Variants in PTPRD observed in about 807,000 individuals in gnomAD.
PTPRD encodes the protein protein tyrosine phosphatase receptor type D, also known as receptor-type tyrosine-protein phosphatase delta.
PTPRD carries 34 observed loss-of-function variants against 214.5 expected under a neutral mutation model. The observed-to-expected ratio is 0.16, with a 90% CI of 0.12 to 0.21. PTPRD has a LOEUF of 0.21. Among genes scored for constraint, PTPRD ranks in the 10% least tolerant of loss-of-function variants. PTPRD has a pLI of 1.00. For synonymous variants in PTPRD, 1,128 were observed against 845.7 expected (o/e 1.33, Z -5.79); for missense variants, 2,545 against 2,398.7 (o/e 1.06, Z -1.27).
At position 8,315,809 on chromosome 9, in the gene PTPRD, C is replaced by T. The variant is rs1821360412; in HGVS notation, c.*2065G>A. ...TAAAATTAAACCAAAGTAGTATACT[C>T]ATACCAAAACTCTTTAAGAGTTCCT... On this transcript the variant is annotated 3_prime_UTR_variant, in exon 46 of 46. Transcript: ENST00000381196. 4.4e-6 allele frequency: 1 copy of T among 226,868 alleles called. No individual in the cohort carries two copies. Among genetic ancestry groups the T allele is most frequent in the African/African-American group, 2.2e-5 (1 of 44,938 alleles). 14.1% of individuals were successfully genotyped at this position (226,868 alleles called of 1,614,324 possible). A position where few individuals can be genotyped will look rare whatever the true frequency, so the allele number is the denominator to read the frequency against.
chr9:9,458,499 A>G (rs918826769), intron 8 of PTPRD, among the ~76,000 whole-genome samples: 9 of 152,092 alleles, frequency 5.9e-5, no homozygotes, highest in Non-Finnish European at 1.3e-4. Flanking sequence ...TTCAAAATGT[A>G]TGAAGTGTAT....
intron 9 of PTPRD, among the ~76,000 whole-genome samples, chr9:9,322,839 G>C (rs776087187): frequency 1.3e-5 from 2 of 152,150 alleles, no homozygotes; most frequent in Non-Finnish European, 2.9e-5. Context: ...GTAAGAGTGA[G>C]TCATTTAGAA....
intron 5 of PTPRD, among the ~76,000 whole-genome samples, chr9:9,826,064 ATTTG>A: frequency 6.6e-6 from 1 of 151,238 alleles, no homozygotes; most frequent in East Asian, 1.9e-4. Context: ...GCTCTCTTTT[ATTTG>A]TTTTTCTTCT....
At chr9:9,153,460 C>T (rs1228317536) in intron 10 of PTPRD, among the ~76,000 whole-genome samples, 1 of 151,912 alleles carries the variant, frequency 6.6e-6, no homozygotes, top group Non-Finnish European at 1.5e-5. Flanking sequence ...TGTGACATGG[C>T]TTGGAATTAA....
chr9:9,505,254 T>A (rs1746561590), intron 8 of PTPRD, among the ~76,000 whole-genome samples: 1 of 151,632 alleles, frequency 6.6e-6, no homozygotes. Context: ...CTCTCTTAGA[T>A]TAAATAATTA....
At position 9,806,810 on chromosome 9, in the gene PTPRD, G is replaced by A. The variant is rs185792576; in HGVS notation, c.-367-39959C>T. ...AGAGGCAAAATGGCGGGGTTTGACT[G>A]GTATCTGACCTACCTCTAGGAACAC... is the stretch of plus-strand genomic sequence containing the variant. On this transcript the variant is annotated intron_variant, in intron 5 of 45. Transcript: ENST00000381196. 3.2e-4 allele frequency among the ~76,000 whole-genome samples: 49 copies of A among 152,100 alleles called. No individual in the cohort carries two copies. In the East Asian group the frequency reaches 8.2e-3, roughly 25 times the overall value.
chr9:9,985,668 G>T (rs2095685074), intron 4 of PTPRD, among the ~76,000 whole-genome samples: 1 of 151,768 alleles, frequency 6.6e-6, no homozygotes, highest in Non-Finnish European at 1.5e-5. Context: ...ATTATTTTAT[G>T]AAACAATTAT....
chr9:10,574,855 C>G (rs1475691662), intron 2 of PTPRD, among the ~76,000 whole-genome samples: 2 of 148,426 alleles, frequency 1.3e-5, no homozygotes, highest in Non-Finnish European at 3.0e-5. Flanking sequence ...TTTCTTCCCC[C>G]CATTTAAAAA....
chr9:10,084,991 A>T (rs1474587722), intron 3 of PTPRD, among the ~76,000 whole-genome samples: 1 of 151,958 alleles, frequency 6.6e-6, no homozygotes, highest in African/African-American at 2.4e-5. Flanking sequence ...CATGATTTGA[A>T]GTAGTCCAGA....
intron 6 of PTPRD, among the ~76,000 whole-genome samples, chr9:9,751,013 T>C (rs572957258): frequency 6.6e-6 from 1 of 152,172 alleles, no homozygotes; most frequent in South Asian, 2.1e-4. Flanking sequence ...ATTTTGATTT[T>C]CCAATGCAAC....
At chr9:8,684,341 C>T (rs1354457148) in intron 12 of PTPRD, among the ~76,000 whole-genome samples, 1 of 152,126 alleles carries the variant, frequency 6.6e-6, no homozygotes, top group Non-Finnish European at 1.5e-5. Context: ...CTCTATTTTA[C>T]AAATGAGCAA....
At position 10,363,100 on chromosome 9, in the gene PTPRD, T is replaced by C. The variant is rs1023738983; in HGVS notation, c.-599-22083A>G. Among the ~76,000 whole-genome samples the C allele has an allele frequency of 2.0e-5, 3 of 152,192 alleles. No homozygotes were observed. In the East Asian group the frequency reaches 5.8e-4, roughly 29 times the overall value. On this transcript the variant is annotated intron_variant, in intron 2 of 45. Coordinates refer to ENST00000381196, the MANE Select transcript of PTPRD (RefSeq NM_002839.4). Reference sequence around the variant, plus strand: ...GATTCTCCAGCAACTCTATTATCTATCTGTTGCTAATCTCTAGATTTTCTG... The same window carrying C: ...GATTCTCCAGCAACTCTATTATCTACCTGTTGCTAATCTCTAGATTTTCTG...
chr9:9,322,960 G>C (rs115434537), intron 9 of PTPRD, among the ~76,000 whole-genome samples: 2,604 of 152,116 alleles, frequency 0.017, 75 homozygotes, highest in African/African-American at 0.06. Context: ...ATTCTGTTAG[G>C]TTTTTAAAAA....
At chr9:10,220,698 C>T (rs1006268553) in intron 3 of PTPRD, among the ~76,000 whole-genome samples, 3 of 151,614 alleles carry the variant, frequency 2.0e-5, no homozygotes, top group African/African-American at 4.8e-5. Flanking sequence ...AAAAAGTATA[C>T]GTTTTTATAT....
At chr9:10,554,164 T>G (rs999839322) in intron 2 of PTPRD, among the ~76,000 whole-genome samples, 1 of 152,206 alleles carries the variant, frequency 6.6e-6, no homozygotes, top group Non-Finnish European at 1.5e-5. Flanking sequence ...CAACCCTTTC[T>G]GCATGCCGTT....
intron 14 of PTPRD, among the ~76,000 whole-genome samples, chr9:8,533,100 C>T (rs2076118404): frequency 2.0e-5 from 3 of 152,152 alleles, no homozygotes; most frequent in African/African-American, 7.2e-5. Flanking sequence ...TTCACTTAAA[C>T]TGTTTTCACT....
chr9:8,644,573 C>T (rs1389222220), intron 12 of PTPRD, among the ~76,000 whole-genome samples: 1 of 152,144 alleles, frequency 6.6e-6, no homozygotes, highest in Non-Finnish European at 1.5e-5. Context: ...CTGGGAGCTC[C>T]CCAAGCCAGG....
At chr9:8,708,255 T>G (rs2098250614) in intron 12 of PTPRD, among the ~76,000 whole-genome samples, 2 of 152,084 alleles carry the variant, frequency 1.3e-5, no homozygotes, top group Non-Finnish European at 2.9e-5. Context: ...GTGGTTGTTA[T>G]CAAATAACAA....
chr9:8,949,535 C>T (rs555751020), intron 11 of PTPRD, among the ~76,000 whole-genome samples: 2 of 152,086 alleles, frequency 1.3e-5, no homozygotes, highest in African/African-American at 4.8e-5. Context: ...TAGAAACTCG[C>T]TAACTTTTGA....
Sources: gnomAD v4.1 joint callset for allele counts (sites outside exome capture counted in the v4.1 genomes callset) on GRCh38, gnomAD v4.1.1 for gene constraint, MANE v1.5 for transcripts, NCBI Gene and HGNC (gene_info 2026-07-23, HGNC 2026-07-21) for gene names.